LRAT: variants seen among roughly 807,000 people sequenced by gnomAD.
The protein encoded by LRAT is lecithin retinol acyltransferase (phosphatidylcholine--retinol O-acyltransferase).
In LRAT, 11 loss-of-function variants were observed where a neutral mutation model predicts 14.2. The observed-to-expected ratio is 0.78, with a 90% confidence interval of 0.49 to 1.29. LRAT has a LOEUF of 1.29. LRAT is among the 50% of genes most tolerant of loss of function. The pLI, the probability that LRAT is intolerant of heterozygous loss-of-function variation, is 0.00. For synonymous variants in LRAT, 144 were observed against 124.8 expected (o/e 1.15, Z -1.03); for missense variants, 274 against 292.4 (o/e 0.94, Z 0.46).
At position 154,744,754 on chromosome 4, in the gene LRAT, G is replaced by A; in HGVS notation, c.428G>A (p.Arg143Gln). The A allele has an allele frequency of 6.2e-7, 1 of 1,614,176 alleles. No individual in the cohort carries two copies. The stretch of plus-strand genomic sequence containing the variant: ...GCACTGCTCAACGAGGAGGTGGCGC[G>A]GAGGGCTGAAAAGCTGCTGGGCTTT... ...KKALLNEEVA[R>Q]RAEKLLGFTP... is the part of the protein sequence containing the mutation. Residue 143 changes from arginine to glutamine, a missense_variant, in exon 2 of 3, where the codon CGG (arginine) becomes CAG (glutamine). Physicochemically the swap from Arg to Gln is conservative, Grantham distance 43. Coordinates refer to ENST00000336356, the MANE Select transcript of LRAT (RefSeq NM_004744.5).
At position 154,751,140 on chromosome 4, in the gene LRAT, C is replaced by T. The variant is rs1732981694; in HGVS notation, c.*2004C>T. 1 of 152,106 alleles carries T rather than the reference C, an allele frequency of 6.6e-6. No homozygotes were observed. The highest frequency in any genetic ancestry group is 1.5e-5 in the Non-Finnish European group (1 of 68,030). The allele number at this position is 152,106 out of a possible 1,614,324, so 9.4% of individuals were successfully genotyped here. ...TAAACTAGCTATAATAGAGTATATACAGTGCTGTGGGAATACAGGGGAAGA... is the reference window on the plus strand; with the variant it reads ...TAAACTAGCTATAATAGAGTATATATAGTGCTGTGGGAATACAGGGGAAGA... On this transcript the variant is annotated 3_prime_UTR_variant, in exon 3 of 3. Transcript: ENST00000336356.
intron 2 of LRAT, chr4:154,748,453 T>C: frequency 1.1e-6 from 1 of 909,500 alleles, no homozygotes; most frequent in Non-Finnish European, 1.3e-6. Flanking sequence ...ATCCTGAATT[T>C]AGCATATTTA....
chr4:154,748,955 T>G (rs1732933722), intron 2 of LRAT, 29 bp from the exon 3 acceptor site: 1 of 1,610,708 alleles, frequency 6.2e-7, no homozygotes. Flanking sequence ...TAGCCACCTT[T>G]CCTAATTTTC....
Position 154,744,766 on chromosome 4 carries a change from A to C in LRAT, c.440A>C (p.Lys147Thr). ...LNEEVARRAE[K>T]LLGFTPYSLL... is the part of the protein sequence containing the mutation. Reference sequence around the variant, plus strand: ...GAGGAGGTGGCGCGGAGGGCTGAAAAGCTGCTGGGCTTTACCCCCTACAGC... The same window carrying C: ...GAGGAGGTGGCGCGGAGGGCTGAAACGCTGCTGGGCTTTACCCCCTACAGC... Residue 147 changes from lysine to threonine, a missense_variant, in exon 2 of 3, where the codon AAG becomes ACG. Lys to Thr is a moderately conservative substitution (Grantham distance 78). Coordinates refer to ENST00000336356, the MANE Select transcript of LRAT (RefSeq NM_004744.5). 7 of 1,614,162 alleles carry C rather than the reference A, an allele frequency of 4.3e-6. No homozygotes were observed. Among genetic ancestry groups the C allele is most frequent in the Non-Finnish European group, 5.9e-6 (7 of 1,180,042 alleles).
chr4:154,743,998 C>T (rs974371736), upstream of LRAT: 2 of 371,728 alleles, frequency 5.4e-6, no homozygotes, highest in Non-Finnish European at 1.0e-5. Flanking sequence ...GCCTGCACCT[C>T]CGAGCACCGC....
Position 154,744,823 on chromosome 4 carries a change from C to G in LRAT, c.497C>G (p.Thr166Ser), listed in dbSNP as rs749900934. Residue 166 changes from threonine to serine, a missense_variant, in exon 2 of 3, where the codon ACC (threonine) becomes AGC (serine). Physicochemically the swap from Thr to Ser is moderately conservative, Grantham distance 58. Coordinates refer to ENST00000336356, the MANE Select transcript of LRAT (RefSeq NM_004744.5). ...TGGAACAACTGCGAGCACTTCGTGA[C>G]CTACTGCAGATATGGCACCCCGATC... is the stretch of plus-strand genomic sequence containing the variant. ...LLWNNCEHFV[T>S]YCRYGTPISP... The G allele has an allele frequency of 1.2e-6, 2 of 1,613,892 alleles. No homozygotes were observed. Among genetic ancestry groups the G allele is most frequent in the East Asian group, 2.2e-5 (1 of 44,844 alleles).
intron 2 of LRAT, among the ~76,000 whole-genome samples, chr4:154,746,372 T>G (rs563339600): frequency 6.6e-6 from 1 of 152,308 alleles, no homozygotes; most frequent in African/African-American, 2.4e-5. Flanking sequence ...TGGGAGAGCA[T>G]GGAAGTATTT....
At chr4:154,746,614 C>G (rs902020284) in intron 2 of LRAT, among the ~76,000 whole-genome samples, 2 of 152,138 alleles carry the variant, frequency 1.3e-5, no homozygotes, top group Non-Finnish European at 2.9e-5. Context: ...AGGAACCAAG[C>G]AAATCATTTC....
In LRAT at chr4:154,744,680, C is replaced by G. The variant is rs765366741; in HGVS notation, c.354C>G (p.Tyr118Ter). 6.2e-7 allele frequency: 1 copy of G among 1,614,176 alleles called. No homozygotes were observed. The highest frequency in any genetic ancestry group is 8.5e-7 in the Non-Finnish European group (1 of 1,180,036). ...IRVDTVEDFA[Y>*]GANILVNHLD... ...TGGACACAGTGGAGGACTTCGCCTA[C>G]GGAGCTAACATCCTGGTCAATCACC... The change falls in exon 2 of 3, where the codon TAC becomes TAG. Residue 118 changes from tyrosine to a stop codon, truncating the protein, a stop_gained. Coordinates refer to ENST00000336356, the MANE Select transcript of LRAT (RefSeq NM_004744.5). LOFTEE classifies it high-confidence loss of function.
Position 154,744,464 on chromosome 4 carries a change from C to G in LRAT, c.138C>G (p.His46Gln). Residue 46 changes from histidine (H) to glutamine (Q), a missense_variant, in exon 2 of 3, where the codon CAC (histidine) becomes CAG (glutamine). By Grantham distance (24) the His-to-Gln change is conservative (BLOSUM62 0). Coordinates refer to ENST00000336356, the MANE Select transcript of LRAT (RefSeq NM_004744.5). ...GTTTTTATGAAACCAGCTCTTTCCA[C>G]CGAGGCGACGTGCTGGAGGTGCCCC... ...RNSFYETSSF[H>Q]RGDVLEVPRT... 6.2e-7 allele frequency: 1 copy of G among 1,614,062 alleles called. No individual in the cohort carries two copies. Among genetic ancestry groups the G allele is most frequent in the Non-Finnish European group, 8.5e-7 (1 of 1,180,030 alleles).
chr4:154,748,924 A>G, intron 2 of LRAT, 60 bp from the exon 3 acceptor site: 1 of 1,462,560 alleles, frequency 6.8e-7, no homozygotes, highest in East Asian at 2.3e-5. Context: ...ACTGTTTGAT[A>G]TATGTGATTC....
At chr4:154,742,763 T>C (rs766485701), upstream of LRAT, among the ~76,000 whole-genome samples, 4 of 152,162 alleles carry the variant, frequency 2.6e-5, no homozygotes, top group African/African-American at 4.8e-5. Context: ...CGAGGAGGCA[T>C]TGGAGTCGGG....
chr4:154,749,997 T>TATC lies in LRAT; in HGVS notation c.*867_*869dup. 6.6e-6 allele frequency: 1 copy of TATC among 152,328 alleles called. No homozygotes were observed. Among genetic ancestry groups the TATC allele is most frequent in the East Asian group, 1.9e-4 (1 of 5,194 alleles). The allele number at this position is 152,328 out of a possible 1,614,324, so 9.4% of individuals were successfully genotyped here. ...GATAAATTGTTCTTGATTGCTTTAT[T>TATC]ATCATCATACTAGTGTGTTCATTAT... On this transcript the variant is annotated 3_prime_UTR_variant, in exon 3 of 3. Coordinates refer to ENST00000336356, the MANE Select transcript of LRAT (RefSeq NM_004744.5).
upstream of LRAT, among the ~76,000 whole-genome samples, chr4:154,742,401 T>C (rs987230230): frequency 1.3e-5 from 2 of 151,848 alleles, no homozygotes; most frequent in African/African-American, 2.4e-5. Context: ...TGACGGCAGA[T>C]TGAGGGTGGC....
chr4:154,744,267 C>T, intron 1 of LRAT, 45 bp downstream of exon 1: 2 of 1,585,594 alleles, frequency 1.3e-6, no homozygotes, highest in Non-Finnish European at 1.7e-6. Flanking sequence ...TTAACTTGCC[C>T]AGCCCGGCCC....
At position 154,752,337 on chromosome 4, in the gene LRAT, T is replaced by TTGAC. The variant is rs1733014563; in HGVS notation, c.*3203_*3206dup. 6.6e-6 allele frequency: 1 copy of TTGAC among 152,232 alleles called. No individual in the cohort carries two copies. Among genetic ancestry groups the TTGAC allele is most frequent in the South Asian group, 2.1e-4 (1 of 4,826 alleles). 9.4% of individuals were successfully genotyped at this position (152,232 alleles called of 1,614,324 possible). On this transcript the variant is annotated 3_prime_UTR_variant, in exon 3 of 3. Coordinates refer to ENST00000336356, the MANE Select transcript of LRAT (RefSeq NM_004744.5). ...TAGCTGTGAGGTACCCTATGAGTTG[T>TTGAC]TGACTTGAAAACATGGAACTGCACA...
rs1732956832 is a variant in LRAT at position 154,749,915 on chromosome 4, A to T, written c.*779A>T. 6.6e-6 allele frequency: 1 copy of T among 152,172 alleles called. No individual in the cohort carries two copies. Among genetic ancestry groups the T allele is most frequent in the African/African-American group, 2.4e-5 (1 of 41,440 alleles). 9.4% of individuals were successfully genotyped at this position (152,172 alleles called of 1,614,324 possible). A position where few individuals can be genotyped will look rare whatever the true frequency, so the allele number is the denominator to read the frequency against. ...GATATAGGATTGAAGTTATGTGGGT[A>T]TTTGGCATGTGTGTGTGAAATAAAT... On this transcript the variant is annotated 3_prime_UTR_variant, in exon 3 of 3. Coordinates refer to ENST00000336356, the MANE Select transcript of LRAT (RefSeq NM_004744.5).
Position 154,749,440 on chromosome 4 carries a change from G to T in LRAT, c.*304G>T. ...ATGATAGCCACAAGAGATTAATTGTGTTTTTTTTTCTCCTGTAATCCTTGT... is the reference window on the plus strand; with the variant it reads ...ATGATAGCCACAAGAGATTAATTGTTTTTTTTTTTCTCCTGTAATCCTTGT... On this transcript the variant is annotated 3_prime_UTR_variant, in exon 3 of 3. Coordinates refer to ENST00000336356, the MANE Select transcript of LRAT (RefSeq NM_004744.5). 2.9e-6 allele frequency: 1 copy of T among 342,058 alleles called. No homozygotes were observed. The highest frequency in any genetic ancestry group is 5.5e-6 in the Non-Finnish European group (1 of 181,504). 21.2% of individuals were successfully genotyped at this position (342,058 alleles called of 1,614,324 possible). A position where few individuals can be genotyped will look rare whatever the true frequency, so the allele number is the denominator to read the frequency against.
upstream of LRAT, among the ~76,000 whole-genome samples, chr4:154,743,125 A>ACT: frequency 5.6e-5 from 1 of 17,832 alleles, no homozygotes; most frequent in African/African-American, 2.2e-4. Context: ...GACCCCCCCA[A>ACT]CCCCCCCCCC....
Sources: allele counts gnomAD v4.1 joint callset (sites outside exome capture counted in the v4.1 genomes callset), GRCh38; gene constraint gnomAD v4.1.1; transcripts MANE v1.5; gene names NCBI Gene and HGNC (gene_info 2026-07-23, HGNC 2026-07-21).